The following CFAP20DC variants were observed in gnomAD, a reference collection of about 807,000 sequenced individuals.
CFAP20DC encodes the protein protein CFAP20DC.
CFAP20DC carries 84 observed loss-of-function variants against 101.7 expected under a neutral mutation model. That is an observed-to-expected ratio of 0.83 (90% confidence interval 0.69 to 0.99). The LOEUF (loss-of-function observed/expected upper bound fraction) is 0.99. CFAP20DC is among the 50% of genes least tolerant of loss of function. The pLI, the probability that CFAP20DC is intolerant of heterozygous loss-of-function variation, is 0.00. For missense variants in CFAP20DC, 1,007 were observed against 970.3 expected (o/e 1.04, Z -0.50); for synonymous variants, 359 against 351.2 (o/e 1.02, Z -0.25).
intron 6 of CFAP20DC, among the ~76,000 whole-genome samples, chr3:58,898,942 AG>A (rs1474299520): frequency 6.6e-6 from 1 of 150,572 alleles, no homozygotes; most frequent in Non-Finnish European, 1.5e-5. Flanking sequence ...ATTCTTCCAT[AG>A]GGCTGCTGTG....
At position 58,760,518 on chromosome 3, in the gene CFAP20DC, C is replaced by A. The variant is rs574303155; in HGVS notation, c.2238-6655G>T. On this transcript the variant is annotated intron_variant, in intron 15 of 16. Coordinates refer to ENST00000482387, the MANE Select transcript of CFAP20DC (RefSeq NM_001394063.1). Reference sequence around the variant, plus strand: ...GACTTCCTCTTTTCCTAATTGAATACCCTTTATTTCCTTCTCCTGCCTGAT... The same window carrying A: ...GACTTCCTCTTTTCCTAATTGAATAACCTTTATTTCCTTCTCCTGCCTGAT... 1.0e-3 allele frequency among the ~76,000 whole-genome samples: 159 copies of A among 152,202 alleles called. 1 individual carries two copies. The highest frequency in any genetic ancestry group is 3.4e-3 in the Middle Eastern group (1 of 294).
At chr3:58,866,809 T>G in intron 10 of CFAP20DC, 121 bp from the exon 11 acceptor site, 1 of 594,282 alleles carries the variant, frequency 1.7e-6, no homozygotes, top group Non-Finnish European at 2.8e-6. Context: ...AAATTAGAGG[T>G]AACAATATGA....
chr3:58,908,250 G>A (rs936593367), intron 6 of CFAP20DC, among the ~76,000 whole-genome samples: 5 of 151,894 alleles, frequency 3.3e-5, no homozygotes, highest in Non-Finnish European at 7.4e-5. Flanking sequence ...ATTATACATA[G>A]TAGCTTTATA....
intron 4 of CFAP20DC, among the ~76,000 whole-genome samples, chr3:59,012,318 A>G (rs2093601430): frequency 6.6e-6 from 1 of 152,254 alleles, no homozygotes. Context: ...AGTATGTGAT[A>G]GTTTCCGGAT....
intron 4 of CFAP20DC, among the ~76,000 whole-genome samples, chr3:59,008,456 T>C (rs1211272818): frequency 1.3e-5 from 2 of 152,174 alleles, no homozygotes; most frequent in African/African-American, 4.8e-5. Flanking sequence ...ACCTTCGCTA[T>C]TGACTTGAAG....
intron 4 of CFAP20DC, among the ~76,000 whole-genome samples, chr3:58,950,050 G>T (rs2089910175): frequency 6.6e-6 from 1 of 152,174 alleles, no homozygotes; most frequent in Non-Finnish European, 1.5e-5. Context: ...ATCTCCTTAA[G>T]CTGATAGGCA....
In CFAP20DC at chr3:58,717,698, T is replaced by C; in HGVS notation, c.198-70A>G. 4.8e-6 allele frequency: 2 copies of C among 413,936 alleles called. No individual in the cohort carries two copies. Among genetic ancestry groups the C allele is most frequent in the South Asian group, 1.8e-5 (1 of 56,400 alleles). 25.6% of individuals were successfully genotyped at this position (413,936 alleles called of 1,614,324 possible). A position where few individuals can be genotyped will look rare whatever the true frequency, so the allele number is the denominator to read the frequency against. On this transcript the variant is annotated intron_variant, in intron 3 of 3. Coordinates refer to the CFAP20DC transcript ENST00000486145. This position sits in a 1 kb window ranked among gnomAD's most constrained non-coding sequence, Gnocchi z 4.1. ...AAAGGTACATGCCTTTTATTCTGGG[T>C]CTGTCCATTGTTATCAGGAAAACAA...
intron 4 of CFAP20DC, among the ~76,000 whole-genome samples, chr3:58,947,017 T>C: frequency 6.6e-6 from 1 of 152,196 alleles, no homozygotes; most frequent in East Asian, 1.9e-4. Flanking sequence ...CAAGGTCTCA[T>C]AGATAGTACG....
Position 58,882,784 on chromosome 3 carries a change from T to C in CFAP20DC, c.715+1761A>G, listed in dbSNP as rs1486738465. 1.3e-5 allele frequency among the ~76,000 whole-genome samples: 2 copies of C among 152,220 alleles called. No homozygotes were observed. The highest frequency in any genetic ancestry group is 2.9e-5 in the Non-Finnish European group (2 of 68,034). On this transcript the variant is annotated intron_variant, in intron 7 of 16. Transcript: ENST00000482387. This position sits in a 1 kb window ranked among gnomAD's most constrained non-coding sequence, Gnocchi z 4.2. ...TTCCCATTGTGTGTGCCTGCATTGC[T>C]ATCAAAAAGTCCTACCTAAAGTTGG... is the stretch of plus-strand genomic sequence containing the variant.
chr3:58,895,812 G>T (rs1463324260), intron 6 of CFAP20DC, among the ~76,000 whole-genome samples: 1 of 152,194 alleles, frequency 6.6e-6, no homozygotes, highest in African/African-American at 2.4e-5. Flanking sequence ...GGAGGCCTCA[G>T]AATCATGGTG....
At chr3:58,915,151 G>C (rs1473182518) in intron 5 of CFAP20DC, among the ~76,000 whole-genome samples, 1 of 152,130 alleles carries the variant, frequency 6.6e-6, no homozygotes, top group Non-Finnish European at 1.5e-5. Context: ...GTGGGAGATG[G>C]GGTTGGGCGG....
chr3:59,025,275 A>G (rs1241030466), intron 4 of CFAP20DC, among the ~76,000 whole-genome samples: 2 of 152,134 alleles, frequency 1.3e-5, no homozygotes, highest in African/African-American at 2.4e-5. Flanking sequence ...CTTTCCAGAT[A>G]GAGAACTTGC....
chr3:58,779,936 AAGAG>A lies in CFAP20DC; in HGVS notation c.2238-26077_2238-26074del, dbSNP rs546197452. On this transcript the variant is annotated intron_variant, in intron 15 of 16. Coordinates refer to ENST00000482387, the MANE Select transcript of CFAP20DC (RefSeq NM_001394063.1). The stretch of plus-strand genomic sequence containing the variant: ...TAAAAAATGTCAAAAATCAAAAACA[AAGAG>A]AGAATTATAAAACCAGCAAGATAAA... Among the ~76,000 whole-genome samples, 446 of 152,196 alleles carry A rather than the reference AAGAG, an allele frequency of 2.9e-3. 3 individuals are homozygous for A. Among genetic ancestry groups the A allele is most frequent in the African/African-American group, 0.01 (428 of 41,550 alleles).
chr3:58,970,849 T>C (rs560972326), intron 4 of CFAP20DC: 4 of 152,304 alleles, frequency 2.6e-5, no homozygotes, highest in Non-Finnish European at 5.9e-5. Context: ...TTGTCAGCTC[T>C]AATTTATTGC....
chr3:58,997,628 T>C (rs17296357), intron 4 of CFAP20DC, among the ~76,000 whole-genome samples: 3,598 of 152,250 alleles, frequency 0.024, 83 homozygotes, highest in Non-Finnish European at 0.03. Flanking sequence ...CACAACCTCA[T>C]GGAAGAGATA....
At chr3:58,754,882 A>T (rs1311113387) in intron 15 of CFAP20DC, among the ~76,000 whole-genome samples, 2 of 152,192 alleles carry the variant, frequency 1.3e-5, no homozygotes, top group Non-Finnish European at 2.9e-5. Context: ...GTTAGGATTA[A>T]ACAGAAACAA....
chr3:58,739,291 T>C (rs769774779), downstream of CFAP20DC, among the ~76,000 whole-genome samples: 6 of 152,212 alleles, frequency 3.9e-5, no homozygotes, highest in South Asian at 2.1e-4. Flanking sequence ...AATTTTGAGA[T>C]TGATGACTTA....
chr3:59,013,486 C>CA (rs901084473), intron 4 of CFAP20DC, among the ~76,000 whole-genome samples: 3 of 152,212 alleles, frequency 2.0e-5, no homozygotes, highest in African/African-American at 7.2e-5. Flanking sequence ...ACACAGATAG[C>CA]AATTATGGAA....
chr3:58,765,766 C>A (rs1312071844), intron 15 of CFAP20DC, among the ~76,000 whole-genome samples: 4 of 152,084 alleles, frequency 2.6e-5, no homozygotes, highest in African/African-American at 9.7e-5. Flanking sequence ...AATGTCTATC[C>A]ATACTTAATG....
Sources: allele counts gnomAD v4.1 joint callset (sites outside exome capture counted in the v4.1 genomes callset), GRCh38; gene constraint gnomAD v4.1.1; non-coding constraint Gnocchi (gnomAD v3.1); transcripts MANE v1.5; gene names NCBI Gene and HGNC (gene_info 2026-07-23, HGNC 2026-07-21).